Variants in CHD2 observed in about 807,000 individuals in gnomAD.
The protein encoded by CHD2 is chromodomain helicase DNA binding protein 2, also known as ATP-dependent chromatin remodeler CHD2.
A neutral mutation model predicts 243.9 loss-of-function variants in CHD2; 28 were observed. The observed-to-expected ratio is 0.11, with a 90% CI of 0.09 to 0.16. The LOEUF (loss-of-function observed/expected upper bound fraction) is 0.16. CHD2 is among the 10% of genes least tolerant of loss of function. The pLI is 1.00. For synonymous variants in CHD2, 775 were observed against 779.0 expected (o/e 0.99, Z 0.09); for missense variants, 1,386 against 2,209.8 (o/e 0.63, Z 7.47).
At chr15:92,941,668 A>AT (rs2053385016) in intron 7 of CHD2, among the ~76,000 whole-genome samples, 154 bp from the exon 8 acceptor site, 1 of 152,246 alleles carries the variant, frequency 6.6e-6, no homozygotes. Flanking sequence ...AGGAAAAAAA[A>AT]GTAAGCTTTG....
chr15:92,942,028 T>C (rs553156174), intron 8 of CHD2, 73 bp downstream of exon 8: 8 of 1,418,440 alleles, frequency 5.6e-6, no homozygotes, highest in East Asian at 2.3e-5. Context: ...ATTTTAACTC[T>C]AATGTGATGA....
At position 93,002,315 on chromosome 15, in the gene CHD2, A is replaced by G; in HGVS notation, c.4276A>G (p.Lys1426Glu). 6.3e-7 allele frequency: 1 copy of G among 1,593,420 alleles called. No individual in the cohort carries two copies. The highest frequency in any genetic ancestry group is 8.5e-7 in the Non-Finnish European group (1 of 1,174,756). The change falls in exon 33 of 39, where the codon AAG (lysine) becomes GAG (glutamate). Residue 1426 changes from lysine to glutamate, a missense_variant and splice_region_variant. Physicochemically the swap from Lys to Glu is moderately conservative, Grantham distance 56 (BLOSUM62 1). Coordinates refer to ENST00000394196, the MANE Select transcript of CHD2 (RefSeq NM_001271.4). The part of the protein sequence containing the change: ...ERKKSKDKKE[K>E]PKSGDAKSSS... The stretch of plus-strand genomic sequence containing the variant: ...AAAGAAGTCAAAAGATAAGAAAGAG[A>G]AGGTAATGATGCCCTTCTGTTCATG...
Position 93,000,500 on chromosome 15 carries a change from C to T in CHD2, c.4009-12C>T. 6.2e-7 allele frequency: 1 copy of T among 1,601,196 alleles called. No individual in the cohort carries two copies. The highest frequency in any genetic ancestry group is 8.5e-7 in the Non-Finnish European group (1 of 1,174,992). ...ATTTGTATTTTAATCATCATTTTCTCTCCTTTTCCAGGCCAAATTAAAGAA... is the reference window on the plus strand; with the variant it reads ...ATTTGTATTTTAATCATCATTTTCTTTCCTTTTCCAGGCCAAATTAAAGAA... On this transcript the variant is annotated splice_polypyrimidine_tract_variant and intron_variant, in intron 31 of 38. Transcript: ENST00000394196.
chr15:92,904,048 A>AG (rs2052570032), intron 2 of CHD2, among the ~76,000 whole-genome samples: 1 of 152,210 alleles, frequency 6.6e-6, no homozygotes, highest in African/African-American at 2.4e-5. Context: ...AATCTAAACT[A>AG]ATAGAAATCT....
chr15:92,916,127 A>T (rs558045410), intron 2 of CHD2, among the ~76,000 whole-genome samples: 1 of 152,332 alleles, frequency 6.6e-6, no homozygotes, highest in Admixed American at 6.5e-5. Flanking sequence ...CCCTGCTTCC[A>T]GTTGTCCGGC....
At position 93,024,779 on chromosome 15, in the gene CHD2, GTTATC is replaced by G; in HGVS notation, c.*76_*80del. 7.8e-7 allele frequency: 1 copy of G among 1,284,010 alleles called. No individual in the cohort carries two copies. The highest frequency in any genetic ancestry group is 2.4e-5 in the East Asian group (1 of 41,420). The allele number at this position is 1,284,010 out of a possible 1,614,324, so 79.5% of individuals were successfully genotyped here. On this transcript the variant is annotated 3_prime_UTR_variant, in exon 39 of 39. Coordinates refer to ENST00000394196, the MANE Select transcript of CHD2 (RefSeq NM_001271.4). ...TTTTGGTCTGATCCTACAGTAGCCG[GTTATC>G]TAGACCAGTAAGTGGAGTTTTGGAC...
chr15:92,962,263 A>G (rs181305445), intron 16 of CHD2, among the ~76,000 whole-genome samples: 379 of 151,914 alleles, frequency 2.5e-3, no homozygotes, highest in African/African-American at 8.8e-3. Context: ...TTCTCTTAAG[A>G]TACAGTTTAG....
Position 93,020,071 on chromosome 15 carries a change from C to T in CHD2, c.4966C>T (p.Pro1656Ser), listed in dbSNP as rs984664076. 1.2e-6 allele frequency: 2 copies of T among 1,614,098 alleles called. No homozygotes were observed. Among genetic ancestry groups the T allele is most frequent in the Non-Finnish European group, 8.5e-7 (1 of 1,180,026 alleles). Residue 1656 changes from proline (P) to serine (S), a missense_variant, in exon 38 of 39, where the codon CCA becomes TCA. Physicochemically the swap from Pro to Ser is moderately conservative, Grantham distance 74 (BLOSUM62 -1). This residue lies in a region of CHD2 where 347 missense variants were observed against 341.6 expected (regional missense o/e 1.02). Transcript: ENST00000394196. Reference protein sequence around the residue: ...FNYGGGNNNPPWGSDRHHQYE... With the variant: ...FNYGGGNNNPSWGSDRHHQYE... ...CTATGGTGGTGGCAACAACAATCCA[C>T]CATGGGGAAGCGACAGGCACCATCA...
At chr15:92,919,738 G>A (rs1424972830) in intron 2 of CHD2, among the ~76,000 whole-genome samples, 1 of 152,206 alleles carries the variant, frequency 6.6e-6, no homozygotes, top group Non-Finnish European at 1.5e-5. Flanking sequence ...CTGGTTTTGT[G>A]TAGGGTGGGA....
intron 21 of CHD2, 116 bp from the exon 22 acceptor site, chr15:92,979,019 A>G: frequency 1.5e-6 from 2 of 1,359,048 alleles, no homozygotes; most frequent in South Asian, 2.8e-5. Flanking sequence ...TGGTTAGAGA[A>G]TAAATTCTGT....
chr15:92,976,118 T>A (rs908648471), intron 20 of CHD2, among the ~76,000 whole-genome samples: 5 of 152,174 alleles, frequency 3.3e-5, no homozygotes, highest in African/African-American at 1.2e-4. Context: ...TTGGTTGAAA[T>A]TGGTTTTGTG....
chr15:92,992,137 C>T (rs780482816), intron 27 of CHD2, among the ~76,000 whole-genome samples: 10 of 152,206 alleles, frequency 6.6e-5, no homozygotes, highest in Non-Finnish European at 1.5e-4. Flanking sequence ...GCTCCCTTCT[C>T]TTTCTTCTGA....
intron 5 of CHD2, among the ~76,000 whole-genome samples, chr15:92,932,803 G>C (rs2053196189): frequency 6.7e-6 from 1 of 148,326 alleles, no homozygotes; most frequent in African/African-American, 2.5e-5. Context: ...TGTCGCCCAG[G>C]CTGGAGTACG....
intron 13 of CHD2, among the ~76,000 whole-genome samples, chr15:92,952,708 G>T (rs2053569584): frequency 6.6e-6 from 1 of 152,214 alleles, no homozygotes; most frequent in Non-Finnish European, 1.5e-5. Flanking sequence ...TGTGCAGCTG[G>T]GTTCCCGAGT....
rs1289862557 is a variant in CHD2 at position 93,020,097 on chromosome 15, G to A, written c.4992G>A (p.Gln1664=). 6 of 1,614,098 alleles carry A rather than the reference G, an allele frequency of 3.7e-6. No individual in the cohort carries two copies. The highest frequency in any genetic ancestry group is 5.1e-6 in the Non-Finnish European group (6 of 1,180,056). ...NPPWGSDRHH[Q]YEQHWYKDHH... is the part of the protein sequence containing the mutation. The stretch of plus-strand genomic sequence containing the variant: ...CATGGGGAAGCGACAGGCACCATCA[G>A]TATGAGCAGCACTGGTACAAGGACC... The change falls in exon 38 of 39, where the codon CAG becomes CAA. Residue 1664 remains glutamine (Q), a synonymous_variant. Coordinates refer to ENST00000394196, the MANE Select transcript of CHD2 (RefSeq NM_001271.4).
Position 92,900,479 on chromosome 15 carries a change from G to T in CHD2, c.-417G>T. On this transcript the variant is annotated 5_prime_UTR_variant, in exon 1 of 39. Coordinates refer to ENST00000394196, the MANE Select transcript of CHD2 (RefSeq NM_001271.4). ...CCTTTCCTAGGGACTTACTGGGGTC[G>T]ATTCGAACCTTTTTTTGGGAGAAAA... is the stretch of plus-strand genomic sequence containing the variant. 1.0e-5 allele frequency: 4 copies of T among 398,256 alleles called. No homozygotes were observed. The highest frequency in any genetic ancestry group is 3.6e-5 in the East Asian group (1 of 28,042). 24.7% of individuals were successfully genotyped at this position (398,256 alleles called of 1,614,324 possible). A position where few individuals can be genotyped will look rare whatever the true frequency, so the allele number is the denominator to read the frequency against.
chr15:92,980,673 G>A (rs1226904342), intron 22 of CHD2, 142 bp from the exon 23 acceptor site: 7 of 613,582 alleles, frequency 1.1e-5, no homozygotes, highest in East Asian at 2.9e-5. Flanking sequence ...TAGAAAATGC[G>A]ATGTTTGAGA....
At chr15:92,992,229 A>G (rs1261608501) in intron 27 of CHD2, among the ~76,000 whole-genome samples, 2 of 152,230 alleles carry the variant, frequency 1.3e-5, no homozygotes, top group African/African-American at 4.8e-5. Flanking sequence ...GATGTGTAGC[A>G]TTAAGCCACA....
At chr15:93,016,836 T>C (rs2054468227) in intron 37 of CHD2, among the ~76,000 whole-genome samples, 1 of 150,500 alleles carries the variant, frequency 6.6e-6, no homozygotes, top group Non-Finnish European at 1.5e-5. Flanking sequence ...CAGATTGAAT[T>C]AAAATTTTGG....
Sources: gnomAD v4.1 joint callset for allele counts (sites outside exome capture counted in the v4.1 genomes callset) on GRCh38, gnomAD v4.1.1 for gene constraint, gnomAD v4.1.1 regional missense constraint, MANE v1.5 for transcripts, NCBI Gene and HGNC (gene_info 2026-07-23, HGNC 2026-07-21) for gene names.